Variants in IGSF21 observed in about 807,000 individuals in gnomAD.
IGSF21 encodes immunoglobin superfamily member 21.
Under a neutral mutation model 46.8 loss-of-function variants are expected in IGSF21, and 28 were observed. The observed-to-expected ratio is 0.60, with a 90% CI of 0.44 to 0.82. The LOEUF is 0.82. IGSF21 is among the 40% of genes least tolerant of loss of function. The probability of loss-of-function intolerance (pLI) is 0.00; values close to 1 mark genes in which losing one functional copy is unlikely to be tolerated. For missense variants in IGSF21, 624 were observed against 665.5 expected (o/e 0.94, Z 0.69); for synonymous variants, 284 against 273.6 (o/e 1.04, Z -0.38).
At chr1:18,368,394 C>T (rs189146338) in intron 6 of IGSF21, among the ~76,000 whole-genome samples, 10 of 151,492 alleles carry the variant, frequency 6.6e-5, no homozygotes, top group South Asian at 2.1e-4. Flanking sequence ...GCCTATAATC[C>T]CAGCTACTCA....
At chr1:18,270,875 T>C (rs972120197) in intron 2 of IGSF21, among the ~76,000 whole-genome samples, 1 of 152,194 alleles carries the variant, frequency 6.6e-6, no homozygotes, top group African/African-American at 2.4e-5. Context: ...GACACACTGG[T>C]AGCATTTCTG....
chr1:18,159,797 T>A (rs1053886268), intron 1 of IGSF21, among the ~76,000 whole-genome samples: 1 of 151,566 alleles, frequency 6.6e-6, no homozygotes, highest in Non-Finnish European at 1.5e-5. Flanking sequence ...ATTCTCTGCC[T>A]CAGCCTCCTG....
intron 2 of IGSF21, among the ~76,000 whole-genome samples, chr1:18,271,321 T>C (rs1165069168): frequency 6.6e-6 from 1 of 152,176 alleles, no homozygotes; most frequent in Non-Finnish European, 1.5e-5. Flanking sequence ...ATGGGTGATG[T>C]AGAATTAAGG....
intron 1 of IGSF21, among the ~76,000 whole-genome samples, chr1:18,201,195 C>G (rs1387373525): frequency 6.6e-6 from 1 of 152,000 alleles, no homozygotes; most frequent in Admixed American, 6.5e-5. Flanking sequence ...GGTGAGCAGC[C>G]CTGGGAGACT....
intron 1 of IGSF21, among the ~76,000 whole-genome samples, chr1:18,140,392 C>T (rs2086404381): frequency 1.3e-5 from 2 of 152,186 alleles, no homozygotes; most frequent in Non-Finnish European, 2.9e-5. Flanking sequence ...GGGTCACTTC[C>T]CGAATAAGCT....
chr1:18,159,557 G>A (rs568930971), intron 1 of IGSF21, among the ~76,000 whole-genome samples: 1 of 152,158 alleles, frequency 6.6e-6, no homozygotes, highest in Non-Finnish European at 1.5e-5. Context: ...CTTGGTTCTT[G>A]TTCTCTCTCT....
intron 2 of IGSF21, among the ~76,000 whole-genome samples, chr1:18,254,001 T>C (rs2084866648): frequency 6.6e-6 from 1 of 152,190 alleles, no homozygotes; most frequent in South Asian, 2.1e-4. Context: ...TTGGACACTT[T>C]CATTGTCTCA....
intron 3 of IGSF21, among the ~76,000 whole-genome samples, chr1:18,305,039 A>AGG (rs1242234697): frequency 6.6e-6 from 1 of 152,148 alleles, no homozygotes; most frequent in Non-Finnish European, 1.5e-5. Flanking sequence ...TCAGGGAGTG[A>AGG]GGGTTAGGTG....
intron 1 of IGSF21, among the ~76,000 whole-genome samples, chr1:18,206,543 C>T (rs528170358): frequency 1.0e-4 from 15 of 144,820 alleles, no homozygotes; most frequent in Admixed American, 2.1e-4. Context: ...AGTGAGACCC[C>T]GTCTCAAAAA....
At chr1:18,305,561 T>C (rs1177375353) in intron 3 of IGSF21, among the ~76,000 whole-genome samples, 1 of 149,020 alleles carries the variant, frequency 6.7e-6, no homozygotes, top group African/African-American at 2.5e-5. Flanking sequence ...GATGGATGGA[T>C]GGATGGATGG....
At chr1:18,347,234 C>T (rs2085903481) in intron 4 of IGSF21, among the ~76,000 whole-genome samples, 3 of 151,750 alleles carry the variant, frequency 2.0e-5, no homozygotes, top group Admixed American at 2.0e-4. Flanking sequence ...CACCCAGGAA[C>T]AGGCCCAGCT....
chr1:18,317,962 G>A (rs775077850), intron 3 of IGSF21, among the ~76,000 whole-genome samples: 2 of 152,192 alleles, frequency 1.3e-5, no homozygotes, highest in Non-Finnish European at 2.9e-5. Flanking sequence ...TTCAAAGCTG[G>A]GCAGCTAGGC....
intron 2 of IGSF21, among the ~76,000 whole-genome samples, chr1:18,272,370 T>C (rs1557617538): frequency 2.0e-5 from 3 of 152,296 alleles, no homozygotes; most frequent in East Asian, 3.9e-4. Context: ...TGCCACTTCC[T>C]GGCTACATGA....
At chr1:18,197,125 A>G (rs1044457302) in intron 1 of IGSF21, among the ~76,000 whole-genome samples, 7 of 152,260 alleles carry the variant, frequency 4.6e-5, no homozygotes, top group Admixed American at 2.0e-4. Flanking sequence ...TGCTCAGAGC[A>G]TACAAATCAC....
At chr1:18,134,670 C>T (rs2086353152) in intron 1 of IGSF21, among the ~76,000 whole-genome samples, 2 of 152,150 alleles carry the variant, frequency 1.3e-5, no homozygotes, top group African/African-American at 4.8e-5. Flanking sequence ...CCCACCACAG[C>T]ACCCACCACA....
intron 1 of IGSF21, among the ~76,000 whole-genome samples, chr1:18,148,234 C>T (rs568121774): frequency 6.6e-6 from 1 of 151,390 alleles, no homozygotes; most frequent in Admixed American, 6.6e-5. Flanking sequence ...GGGTTCACGC[C>T]GTTGTCCTGC....
intron 2 of IGSF21, among the ~76,000 whole-genome samples, chr1:18,271,440 A>G (rs1439217881): frequency 6.6e-6 from 1 of 152,148 alleles, no homozygotes; most frequent in Non-Finnish European, 1.5e-5. Context: ...GTCTAAACCT[A>G]TCCAGATTTT....
At chr1:18,343,824 G>T (rs549815427) in intron 4 of IGSF21, among the ~76,000 whole-genome samples, 5 of 152,300 alleles carry the variant, frequency 3.3e-5, no homozygotes, top group African/African-American at 1.2e-4. Flanking sequence ...GTGCACGTCT[G>T]GTGCTTTTCT....
intron 4 of IGSF21, among the ~76,000 whole-genome samples, chr1:18,342,054 G>GTTT (rs60349068): frequency 2.8e-5 from 4 of 144,630 alleles, no homozygotes; most frequent in South Asian, 2.2e-4. Flanking sequence ...CATTTTCCTT[G>GTTT]TTTTTTTTTT....
Sources: gnomAD v4.1 joint callset for allele counts (sites outside exome capture counted in the v4.1 genomes callset) on GRCh38, gnomAD v4.1.1 for gene constraint, MANE v1.5 for transcripts, NCBI Gene and HGNC (gene_info 2026-07-23, HGNC 2026-07-21) for gene names.